The following CNTN6 variants were observed in gnomAD, a reference collection of about 807,000 sequenced individuals.
CNTN6 encodes the protein contactin-6.
In CNTN6, 137 loss-of-function variants were observed where a neutral mutation model predicts 122.8. That is an observed-to-expected ratio of 1.12 (90% CI 0.97 to 1.29). The LOEUF (loss-of-function observed/expected upper bound fraction) is 1.29. CNTN6 is among the 50% of genes most tolerant of loss of function. The probability of loss-of-function intolerance (pLI) is 0.00; values close to 1 mark genes in which losing one functional copy is unlikely to be tolerated. For missense variants in CNTN6, 1,634 were observed against 1,223.4 expected, an observed-to-expected ratio of 1.34 and a Z score of -5.01; for synonymous variants, 570 against 426.0, an observed-to-expected ratio of 1.34 and a Z score of -4.16.
In CNTN6 at chr3:1,403,472, T is replaced by A; in HGVS notation, c.*54T>A. 8.8e-7 allele frequency: 1 copy of A among 1,140,328 alleles called. No homozygotes were observed. Among genetic ancestry groups the A allele is most frequent in the Non-Finnish European group, 1.3e-6 (1 of 760,900 alleles). 70.6% of individuals were successfully genotyped at this position (1,140,328 alleles called of 1,614,324 possible). On this transcript the variant is annotated 3_prime_UTR_variant, in exon 23 of 23. Coordinates refer to ENST00000446702, the MANE Select transcript of CNTN6 (RefSeq NM_001289080.2). Reference sequence around the variant, plus strand: ...TTTTGAAAGCAAATCATTCTGTATATATGCTCTCCAGCCTCTGACACAAGA... The same window carrying A: ...TTTTGAAAGCAAATCATTCTGTATAAATGCTCTCCAGCCTCTGACACAAGA...
chr3:1,102,592 G>T (rs1220579685), intron 1 of CNTN6, among the ~76,000 whole-genome samples: 2 of 146,732 alleles, frequency 1.4e-5, no homozygotes, highest in Non-Finnish European at 3.0e-5. Flanking sequence ...AGCCGGGCGT[G>T]GTGGCGGCGC....
At chr3:1,240,984 T>C (rs2094475648) in intron 4 of CNTN6, among the ~76,000 whole-genome samples, 1 of 151,664 alleles carries the variant, frequency 6.6e-6, no homozygotes, top group Non-Finnish European at 1.5e-5. Flanking sequence ...AAGTACATTC[T>C]CAAGGGTGGG....
chr3:1,098,756 GCA>G (rs57847953), intron 1 of CNTN6, among the ~76,000 whole-genome samples: 1,506 of 88,482 alleles, frequency 0.017, 20 homozygotes, highest in African/African-American at 0.03. Context: ...TGGCAGTAAT[GCA>G]CACACACACA....
rs139916949 is a variant in CNTN6, at chr3:1,311,879, T to C, written c.762-9771T>C. Among the ~76,000 whole-genome samples, 837 of 152,068 alleles carry C rather than the reference T, an allele frequency of 5.5e-3. 5 individuals carry two copies. The highest frequency in any genetic ancestry group is 0.01 in the Middle Eastern group (3 of 292). ...CTCATTTGTAATGACAATGAGATATTTCAATATATATTTATAGCCAATCTC... is the reference window on the plus strand; with the variant it reads ...CTCATTTGTAATGACAATGAGATATCTCAATATATATTTATAGCCAATCTC... On this transcript the variant is annotated intron_variant, in intron 7 of 22. Transcript: ENST00000446702.
intron 4 of CNTN6, among the ~76,000 whole-genome samples, chr3:1,234,995 A>G (rs1323276244): frequency 1.3e-5 from 2 of 152,232 alleles, no homozygotes; most frequent in African/African-American, 4.8e-5. Flanking sequence ...ATTTATATTT[A>G]AAATCAACAG....
chr3:1,295,745 A>T lies in CNTN6; in HGVS notation c.599A>T (p.Asn200Ile). Reference sequence around the variant, plus strand: ...GGCAACTACACTTGCTTTATAACTAACAAAGAGGCCCAGAGAAGTGTTCAA... The same window carrying T: ...GGCAACTACACTTGCTTTATAACTATCAAAGAGGCCCAGAGAAGTGTTCAA... ...DVGNYTCFIT[N>I]KEAQRSVQGP... Residue 200 changes from asparagine (N) to isoleucine (I), a missense_variant, in exon 6 of 23, where the codon AAC becomes ATC. Coordinates refer to ENST00000446702, the MANE Select transcript of CNTN6 (RefSeq NM_001289080.2). 1 of 1,614,080 alleles carries T rather than the reference A, an allele frequency of 6.2e-7. No homozygotes were observed. Among genetic ancestry groups the T allele is most frequent in the Non-Finnish European group, 8.5e-7 (1 of 1,179,940 alleles).
At chr3:1,134,330 G>A (rs1196456828) in intron 1 of CNTN6, among the ~76,000 whole-genome samples, 1 of 152,192 alleles carries the variant, frequency 6.6e-6, no homozygotes, top group Non-Finnish European at 1.5e-5. Context: ...GTGATAGATA[G>A]TAGGGCTGTC....
intron 4 of CNTN6, among the ~76,000 whole-genome samples, chr3:1,264,075 A>AC (rs2094889492): frequency 6.6e-6 from 1 of 152,142 alleles, no homozygotes; most frequent in Non-Finnish European, 1.5e-5. Flanking sequence ...TGTTCTGAAC[A>AC]CAGGTGAAAG....
intron 5 of CNTN6, among the ~76,000 whole-genome samples, chr3:1,281,983 TAC>T (rs3836238): frequency 0.095 from 14,294 of 149,704 alleles, 662 homozygotes; most frequent in East Asian, 0.11. Context: ...TATATAGGTA[TAC>T]ACACACACAC....
At chr3:1,252,605 A>AAAT (rs2094689336) in intron 4 of CNTN6, among the ~76,000 whole-genome samples, 2 of 152,248 alleles carry the variant, frequency 1.3e-5, no homozygotes, top group African/African-American at 4.8e-5. Context: ...ATTTTAACAA[A>AAAT]AATAATAAAA....
At chr3:1,113,093 C>A (rs932380118) in intron 1 of CNTN6, among the ~76,000 whole-genome samples, 3 of 152,072 alleles carry the variant, frequency 2.0e-5, no homozygotes, top group Non-Finnish European at 4.4e-5. Context: ...GCTCTGACGT[C>A]TCTTGAGGAG....
Position 1,297,955 on chromosome 3 carries a change from A to G in CNTN6, c.725A>G (p.Asp242Gly), listed in dbSNP as rs754305900. The change falls in exon 7 of 23, where the codon GAT becomes GGT. Residue 242 changes from aspartate to glycine, a missense_variant. Transcript: ENST00000446702. ...CCTGAAACTATACAAGCTGCAAAGG[A>G]TTCATCTGTAAAACTGGAATGTTTT... ...RFPETIQAAK[D>G]SSVKLECFAL... 5 of 1,612,372 alleles carry G rather than the reference A, an allele frequency of 3.1e-6. No individual in the cohort carries two copies. In the South Asian group the frequency reaches 3.3e-5, roughly 11 times the overall value.
intron 2 of CNTN6, among the ~76,000 whole-genome samples, chr3:1,201,990 C>T (rs1164447403): frequency 1.3e-5 from 2 of 152,078 alleles, no homozygotes; most frequent in Non-Finnish European, 2.9e-5. Flanking sequence ...TTTTCTGAGT[C>T]TTGCAAATAT....
At chr3:1,143,484 A>G (rs1360975721) in intron 1 of CNTN6, among the ~76,000 whole-genome samples, 1 of 152,138 alleles carries the variant, frequency 6.6e-6, no homozygotes, top group African/African-American at 2.4e-5. Flanking sequence ...TTTTGCCTCA[A>G]GTGACCTGTA....
chr3:1,287,623 A>T (rs905892956), intron 5 of CNTN6, among the ~76,000 whole-genome samples: 4 of 152,156 alleles, frequency 2.6e-5, no homozygotes, highest in Non-Finnish European at 5.9e-5. Flanking sequence ...AAAAGAGCCC[A>T]CTGACAAAAT....
chr3:1,166,270 G>T (rs2093246345), intron 2 of CNTN6, among the ~76,000 whole-genome samples: 1 of 152,206 alleles, frequency 6.6e-6, no homozygotes, highest in Non-Finnish European at 1.5e-5. Flanking sequence ...TCATTTTATA[G>T]ATCCCACATC....
chr3:1,271,596 A>G (rs1021888000), intron 4 of CNTN6, among the ~76,000 whole-genome samples: 1 of 152,148 alleles, frequency 6.6e-6, no homozygotes, highest in South Asian at 2.1e-4. Context: ...ACATGCAGAT[A>G]CAGGGAGAGA....
chr3:1,218,270 C>G (rs147388217), intron 2 of CNTN6, among the ~76,000 whole-genome samples: 3 of 151,940 alleles, frequency 2.0e-5, no homozygotes, highest in Non-Finnish European at 2.9e-5. Context: ...AGGCAGAAGC[C>G]TGGAGTCTGG....
intron 10 of CNTN6, 83 bp downstream of exon 10, chr3:1,327,669 T>C: frequency 2.8e-6 from 4 of 1,408,980 alleles, no homozygotes; most frequent in Non-Finnish European, 3.9e-6. Context: ...CCAATTTTTT[T>C]TGTAAATTAG....
Sources: allele counts gnomAD v4.1 joint callset (sites outside exome capture counted in the v4.1 genomes callset), GRCh38; gene constraint gnomAD v4.1.1; transcripts MANE v1.5; gene names NCBI Gene and HGNC (gene_info 2026-07-23, HGNC 2026-07-21).